SBF2: variants seen among roughly 807,000 people sequenced by gnomAD.
SBF2 encodes SET binding factor 2, also known as myotubularin-related protein 13.
A neutral mutation model predicts 225.2 loss-of-function variants in SBF2; 112 were observed. The ratio of observed to expected loss-of-function variants is 0.50; its 90% CI spans 0.43 to 0.58. SBF2 has a LOEUF of 0.58. Ranked by LOEUF, SBF2 falls within the 20% of genes least tolerant of loss-of-function variation. The pLI, the probability that SBF2 is intolerant of heterozygous loss-of-function variation, is 0.00. For missense variants in SBF2, 1,996 were observed against 2,206.2 expected (o/e 0.90, Z 1.91); for synonymous variants, 763 against 773.3 (o/e 0.99, Z 0.22).
At chr11:9,957,293 C>G (rs1272563624) in intron 16 of SBF2, 1 of 151,374 alleles carries the variant, frequency 6.6e-6, no homozygotes, top group Non-Finnish European at 1.5e-5. Context: ...AAGGACTAAC[C>G]GCAAATCAAC....
chr11:10,292,454 G>A (rs1964218505), intron 1 of SBF2, among the ~76,000 whole-genome samples: 2 of 151,998 alleles, frequency 1.3e-5, no homozygotes, highest in South Asian at 4.1e-4. Context: ...GGCCGAGGCC[G>A]GTGGATCACG....
chr11:10,226,722 T>C (rs962341336), intron 1 of SBF2, among the ~76,000 whole-genome samples: 108 of 152,222 alleles, frequency 7.1e-4, no homozygotes, highest in Non-Finnish European at 8.1e-4. Context: ...CTTAATCCAG[T>C]CTATCATTGT....
At chr11:10,253,709 T>C (rs1024161507) in intron 1 of SBF2, among the ~76,000 whole-genome samples, 3 of 152,206 alleles carry the variant, frequency 2.0e-5, no homozygotes, top group Admixed American at 6.5e-5. Context: ...TGAATCACAG[T>C]ATAATTTAGT....
intron 2 of SBF2, among the ~76,000 whole-genome samples, chr11:10,063,856 C>CAG (rs1487944368): frequency 8.0e-6 from 1 of 125,610 alleles, no homozygotes; most frequent in Admixed American, 8.2e-5. Flanking sequence ...CACACACACA[C>CAG]ACAGAGAGAG....
chr11:9,941,155 A>T (rs563180880), intron 16 of SBF2, among the ~76,000 whole-genome samples: 1 of 152,152 alleles, frequency 6.6e-6, no homozygotes, highest in African/African-American at 2.4e-5. Context: ...ACAAAAAAAT[A>T]AAAAAATAAA....
chr11:10,227,035 T>C, intron 1 of SBF2, among the ~76,000 whole-genome samples: 1 of 152,238 alleles, frequency 6.6e-6, no homozygotes, highest in Non-Finnish European at 1.5e-5. Context: ...TGTGAGATGG[T>C]ATTTCATGGT....
intron 32 of SBF2, among the ~76,000 whole-genome samples, chr11:9,805,913 G>A (rs11603354): frequency 0.026 from 3,947 of 152,270 alleles, 126 homozygotes; most frequent in Admixed American, 0.091. Context: ...GAGCCACCAC[G>A]CCCGACCAGG....
intron 2 of SBF2, among the ~76,000 whole-genome samples, chr11:10,086,960 C>T (rs1326084638): frequency 6.6e-6 from 1 of 152,178 alleles, no homozygotes; most frequent in Non-Finnish European, 1.5e-5. Context: ...TGAGTGAAAA[C>T]TTCACTTAGT....
intron 1 of SBF2, among the ~76,000 whole-genome samples, chr11:10,205,537 G>A (rs1417221334): frequency 6.6e-6 from 1 of 151,882 alleles, no homozygotes; most frequent in East Asian, 1.9e-4. Context: ...CCCAGGCCTA[G>A]CATGTCCCAA....
intron 1 of SBF2, among the ~76,000 whole-genome samples, chr11:10,276,047 C>A (rs999929560): frequency 2.0e-5 from 3 of 151,876 alleles, no homozygotes; most frequent in African/African-American, 7.2e-5. Flanking sequence ...GATCTTTTAA[C>A]AGTGGTCAAT....
intron 13 of SBF2, among the ~76,000 whole-genome samples, chr11:9,986,220 ATTCTT>A (rs1947191646): frequency 6.6e-6 from 1 of 152,182 alleles, no homozygotes; most frequent in Non-Finnish European, 1.5e-5. Flanking sequence ...AAATTAAAAA[ATTCTT>A]CAAGCTGAAT....
chr11:9,824,471 T>G (rs1009860889), intron 28 of SBF2, among the ~76,000 whole-genome samples: 3 of 150,854 alleles, frequency 2.0e-5, no homozygotes, highest in African/African-American at 7.3e-5. Context: ...GCAGGAGAAT[T>G]GCTTGAACCA....
chr11:10,118,526 T>C (rs1424819441), intron 2 of SBF2, among the ~76,000 whole-genome samples: 1 of 152,124 alleles, frequency 6.6e-6, no homozygotes, highest in Non-Finnish European at 1.5e-5. Context: ...GAGGTATACA[T>C]TTCAAACATA....
At chr11:10,263,811 A>G (rs1961678488) in intron 1 of SBF2, among the ~76,000 whole-genome samples, 1 of 152,226 alleles carries the variant, frequency 6.6e-6, no homozygotes. Context: ...ATCCTTACGG[A>G]AAAGGTGAGG....
chr11:9,834,955 C>T, intron 26 of SBF2, among the ~76,000 whole-genome samples: 1 of 152,218 alleles, frequency 6.6e-6, no homozygotes, highest in East Asian at 1.9e-4. Flanking sequence ...TGGCTCTCTC[C>T]TGCTTCCTGA....
intron 2 of SBF2, among the ~76,000 whole-genome samples, chr11:10,143,320 C>T (rs1264175429): frequency 1.3e-5 from 2 of 152,048 alleles, no homozygotes; most frequent in African/African-American, 4.8e-5. Context: ...TACAGGTGTG[C>T]GCCCACTACG....
At chr11:9,832,082 C>T (rs1855434252) in intron 27 of SBF2, 142 bp downstream of exon 27, 2 of 721,898 alleles carry the variant, frequency 2.8e-6, no homozygotes, top group South Asian at 1.5e-5. Context: ...TTAAGCTGTA[C>T]ATGTTGCATG....
rs151113212 is a variant in SBF2, at chr11:9,917,017, C to T, written c.1861-21006G>A. ...ATTATACTTAGACATTTAATTTAAC[C>T]TCTGTACCATTTAAGATTACACATG... is the stretch of plus-strand genomic sequence containing the variant. On this transcript the variant is annotated intron_variant, in intron 16 of 39. Transcript: ENST00000256190. Among the ~76,000 whole-genome samples the T allele has an allele frequency of 3.2e-4, 49 of 151,668 alleles. 1 individual carries two copies. The Middle Eastern group carries it at 0.014, about 42-fold the overall frequency.
rs79317515 is a variant in SBF2, at chr11:10,009,003, T to C, written c.620-6314A>G. On this transcript the variant is annotated intron_variant, in intron 6 of 39. Transcript: ENST00000256190. The stretch of plus-strand genomic sequence containing the variant: ...CTTTGTGCTGCCTATCTGGGGGAAC[T>C]GTCTTTTCTCACTCATTTTTAGTGT... 4.2e-3 allele frequency among the ~76,000 whole-genome samples: 642 copies of C among 152,332 alleles called. 7 individuals are homozygous for C. The highest frequency in any genetic ancestry group is 0.015 in the African/African-American group (609 of 41,580).
Sources: allele counts gnomAD v4.1 joint callset (sites outside exome capture counted in the v4.1 genomes callset), GRCh38; gene constraint gnomAD v4.1.1; transcripts MANE v1.5; gene names NCBI Gene and HGNC (gene_info 2026-07-23, HGNC 2026-07-21).